SHPRH: variants seen among roughly 807,000 people sequenced by gnomAD.
The protein encoded by SHPRH is SNF2 histone linker PHD RING helicase.
Under a neutral mutation model 202.5 loss-of-function variants are expected in SHPRH, and 106 were observed. That is an observed-to-expected ratio of 0.52 (90% CI 0.45 to 0.62). SHPRH has a LOEUF of 0.62. Among genes scored for constraint, SHPRH ranks in the 20% least tolerant of loss-of-function variants. SHPRH has a pLI of 0.00. For missense variants in SHPRH, 1,710 were observed against 2,020.0 expected, an observed-to-expected ratio of 0.85 and a Z score of 2.94; for synonymous variants, 729 against 686.0, an observed-to-expected ratio of 1.06 and a Z score of -0.98.
Position 145,935,091 on chromosome 6 carries a change from G to C in SHPRH, c.2806C>G (p.Arg936Gly). Residue 936 changes from arginine to glycine, a missense_variant, in exon 13 of 30, where the codon CGT (arginine) becomes GGT (glycine). This residue lies in a region of SHPRH where 277 missense variants were observed against 363.0 expected (regional missense o/e 0.76). Coordinates refer to ENST00000275233, the MANE Select transcript of SHPRH (RefSeq NM_001042683.3). Reference protein sequence around the residue: ...FSPVERHFYHRQHEVCCQDVV... With the variant: ...FSPVERHFYHGQHEVCCQDVV... ...TCCTGGCAGCACACCTCATGCTGAC[G>C]GTGATAGAAATGCCTTTCCACTGGA... 6.2e-7 allele frequency: 1 copy of C among 1,613,666 alleles called. No homozygotes were observed. Among genetic ancestry groups the C allele is most frequent in the South Asian group, 1.1e-5 (1 of 91,048 alleles).
chr6:145,926,126 C>T, intron 16 of SHPRH, 78 bp downstream of exon 16: 1 of 1,236,378 alleles, frequency 8.1e-7, no homozygotes, highest in Non-Finnish European at 1.2e-6. Context: ...TGTTGTATGT[C>T]CTAGGATATA....
chr6:145,933,448 T>C (rs1785690573), intron 13 of SHPRH, among the ~76,000 whole-genome samples: 1 of 152,186 alleles, frequency 6.6e-6, no homozygotes, highest in African/African-American at 2.4e-5. Context: ...GCATGACATA[T>C]TTGAAACATT....
At chr6:145,891,080 A>G (rs1781529344) in intron 28 of SHPRH, among the ~76,000 whole-genome samples, 1 of 152,062 alleles carries the variant, frequency 6.6e-6, no homozygotes, top group South Asian at 2.1e-4. Context: ...TTAAAACTTA[A>G]GTGAGATATG....
At chr6:145,949,916 T>G (rs1380805008) in intron 4 of SHPRH, among the ~76,000 whole-genome samples, 2 of 152,122 alleles carry the variant, frequency 1.3e-5, no homozygotes, top group African/African-American at 4.8e-5. Flanking sequence ...CATTGTGAGT[T>G]TCTTGCAGAT....
intron 2 of SHPRH, among the ~76,000 whole-genome samples, chr6:145,866,661 G>A: frequency 6.6e-6 from 1 of 152,168 alleles, no homozygotes; most frequent in Admixed American, 6.5e-5. Context: ...AAGAGCCAAA[G>A]GTGTAGAAGT....
chr6:145,961,776 A>G (rs1034349548), intron 1 of SHPRH, among the ~76,000 whole-genome samples: 1 of 152,212 alleles, frequency 6.6e-6, no homozygotes, highest in African/African-American at 2.4e-5. Flanking sequence ...CCAGTTCTTA[A>G]CTGAGTAAAC....
chr6:145,874,432 A>C (rs1780208284), intron 2 of SHPRH, among the ~76,000 whole-genome samples: 1 of 152,018 alleles, frequency 6.6e-6, no homozygotes, highest in Non-Finnish European at 1.5e-5. Flanking sequence ...AAAGACTTTG[A>C]GTGTATTTGC....
chr6:145,957,605 C>T (rs1342997314), intron 1 of SHPRH, among the ~76,000 whole-genome samples: 1 of 152,082 alleles, frequency 6.6e-6, no homozygotes, highest in Non-Finnish European at 1.5e-5. Context: ...AATATTTTCA[C>T]CAGCATCAGT....
chr6:145,886,791 C>A lies in SHPRH; in HGVS notation c.4956-4G>T, dbSNP rs372314388. On this transcript the variant is annotated splice_polypyrimidine_tract_variant and splice_region_variant and intron_variant, in intron 29 of 29. Transcript: ENST00000275233. Reference sequence around the variant, plus strand: ...CTTTGCTGATGAGTTCGTGTGACTGCAAGGTTTCCCAAATGAGCACAGTCA... The same window carrying A: ...CTTTGCTGATGAGTTCGTGTGACTGAAAGGTTTCCCAAATGAGCACAGTCA... 40 of 1,611,412 alleles carry A rather than the reference C, an allele frequency of 2.5e-5. 1 individual carries two copies. The African/African-American group carries it at 4.8e-4, about 19-fold the overall frequency.
chr6:145,932,978 A>G (rs549421511), intron 14 of SHPRH, 79 bp downstream of exon 14: 4 of 1,456,006 alleles, frequency 2.7e-6, no homozygotes, highest in East Asian at 4.8e-5. Context: ...CCCCCCAAAA[A>G]TCAAAATCTA....
At chr6:145,893,527 A>G in intron 27 of SHPRH, 134 bp from the exon 28 acceptor site, 1 of 782,100 alleles carries the variant, frequency 1.3e-6, no homozygotes, top group Non-Finnish European at 1.8e-6. Flanking sequence ...CTTAAATGCA[A>G]AATTACCAAC....
chr6:145,943,842 G>A (rs1787070240), intron 8 of SHPRH, 40 bp from the exon 9 acceptor site: 1 of 1,504,698 alleles, frequency 6.6e-7, no homozygotes, highest in Non-Finnish European at 8.9e-7. Context: ...GCAACTAGTT[G>A]CATTTCTGAA....
At chr6:145,948,607 G>A (rs751288209) in intron 4 of SHPRH, among the ~76,000 whole-genome samples, 1 of 152,006 alleles carries the variant, frequency 6.6e-6, no homozygotes, top group African/African-American at 2.4e-5. Context: ...TAATAGGACA[G>A]ATAAGCAAAG....
chr6:145,902,628 CTTA>C (rs1223662982), intron 25 of SHPRH, among the ~76,000 whole-genome samples: 5 of 134,196 alleles, frequency 3.7e-5, no homozygotes, highest in African/African-American at 1.3e-4. Flanking sequence ...GCACTGAAGA[CTTA>C]TTATTGGGGA....
intron 1 of SHPRH, among the ~76,000 whole-genome samples, chr6:145,962,304 G>A (rs1378827781): frequency 6.6e-6 from 1 of 152,154 alleles, no homozygotes; most frequent in Non-Finnish European, 1.5e-5. Flanking sequence ...TGCCAGGTCA[G>A]TGCTAGGAAG....
intron 2 of SHPRH, among the ~76,000 whole-genome samples, chr6:145,875,972 G>A (rs1305217707): frequency 6.6e-6 from 1 of 152,122 alleles, no homozygotes; most frequent in Non-Finnish European, 1.5e-5. Context: ...ATAAGCTTTT[G>A]TGCTACTTTA....
At chr6:145,878,655 C>T in intron 2 of SHPRH, among the ~76,000 whole-genome samples, 1 of 152,150 alleles carries the variant, frequency 6.6e-6, no homozygotes, top group Admixed American at 6.5e-5. Flanking sequence ...GTTGAGTTTG[C>T]TCCCTGCCAA....
chr6:145,909,204 A>G (rs1783256946), intron 25 of SHPRH: 1 of 151,968 alleles, frequency 6.6e-6, no homozygotes, highest in Non-Finnish European at 1.5e-5. Context: ...TGTAGTGCTT[A>G]TCACAATTAT....
intron 11 of SHPRH, among the ~76,000 whole-genome samples, chr6:145,936,526 T>C (rs1402522023): frequency 6.6e-6 from 1 of 151,782 alleles, no homozygotes; most frequent in African/African-American, 2.4e-5. Context: ...AGGGCTTCCC[T>C]ATGTTGCCCA....
Sources: gnomAD v4.1 joint callset for allele counts (sites outside exome capture counted in the v4.1 genomes callset) on GRCh38, gnomAD v4.1.1 for gene constraint, gnomAD v4.1.1 regional missense constraint, MANE v1.5 for transcripts, NCBI Gene and HGNC (gene_info 2026-07-23, HGNC 2026-07-21) for gene names.